Variants in LRRC4C observed in about 807,000 individuals in gnomAD.
LRRC4C encodes the protein leucine rich repeat containing 4C.
Under a neutral mutation model 33.6 loss-of-function variants are expected in LRRC4C, and 5 were observed. The observed-to-expected ratio is 0.15, with a 90% CI of 0.08 to 0.31. LRRC4C has a LOEUF of 0.31. Ranked by LOEUF, LRRC4C falls within the 10% of genes least tolerant of loss-of-function variation. The pLI, the probability that LRRC4C is intolerant of heterozygous loss-of-function variation, is 1.00. For synonymous variants in LRRC4C, 329 were observed against 302.0 expected, an observed-to-expected ratio of 1.09 and a Z score of -0.93; for missense variants, 560 against 796.7, an observed-to-expected ratio of 0.70 and a Z score of 3.58.
chr11:40,922,451 T>C (rs879810794), intron 2 of LRRC4C, among the ~76,000 whole-genome samples: 3 of 152,214 alleles, frequency 2.0e-5, no homozygotes, highest in Non-Finnish European at 2.9e-5. Flanking sequence ...AAGTTGCTGT[T>C]GGTTAACAGA....
In LRRC4C at chr11:40,176,239, C is replaced by T. The variant is rs186127094; in HGVS notation, c.-95-35386G>A. Among the ~76,000 whole-genome samples the T allele has an allele frequency of 4.6e-3, 696 of 152,100 alleles. 4 individuals carry two copies. Among genetic ancestry groups the T allele is most frequent in the African/African-American group, 0.016 (666 of 41,458 alleles). On this transcript the variant is annotated intron_variant, in intron 5 of 6. Coordinates refer to ENST00000528697, the MANE Select transcript of LRRC4C (RefSeq NM_001258419.2). ...TATGTCAAGTGGTATAATAAGACTG[C>T]GCATAAAGAATGAAGATAGAACGCG... is the stretch of plus-strand genomic sequence containing the variant.
intron 2 of LRRC4C, among the ~76,000 whole-genome samples, chr11:40,678,867 G>A (rs1375920114): frequency 2.0e-5 from 3 of 151,904 alleles, no homozygotes; most frequent in Non-Finnish European, 4.4e-5. Context: ...TACTGGGTAG[G>A]GGGGTGCTAC....
At chr11:40,984,780 A>G (rs1852868373) in intron 1 of LRRC4C, among the ~76,000 whole-genome samples, 1 of 151,648 alleles carries the variant, frequency 6.6e-6, no homozygotes, top group African/African-American at 2.4e-5. Flanking sequence ...AAGTTGGTTG[A>G]CACCCACTAC....
At chr11:40,496,122 G>A (rs1056432723) in intron 3 of LRRC4C, among the ~76,000 whole-genome samples, 1 of 152,032 alleles carries the variant, frequency 6.6e-6, no homozygotes, top group Non-Finnish European at 1.5e-5. Context: ...GAGCCACCAC[G>A]CCTGGCCAAA....
intron 3 of LRRC4C, among the ~76,000 whole-genome samples, chr11:40,353,505 C>A (rs925220881): frequency 6.6e-6 from 1 of 152,124 alleles, no homozygotes; most frequent in South Asian, 2.1e-4. Context: ...TCACTTGAGG[C>A]CAAAAGTTTG....
intron 3 of LRRC4C, among the ~76,000 whole-genome samples, chr11:40,586,925 T>C (rs1958782193): frequency 6.6e-6 from 1 of 152,170 alleles, no homozygotes; most frequent in Non-Finnish European, 1.5e-5. Flanking sequence ...TCCAGCTTTG[T>C]TCTTTTGGCT....
intron 2 of LRRC4C, among the ~76,000 whole-genome samples, chr11:40,829,860 A>G (rs1238004893): frequency 1.3e-5 from 2 of 152,042 alleles, no homozygotes; most frequent in Non-Finnish European, 2.9e-5. Context: ...TTGAAAAGCA[A>G]CATACAAATA....
intron 2 of LRRC4C, among the ~76,000 whole-genome samples, chr11:40,903,085 G>C (rs1055486487): frequency 6.6e-6 from 1 of 152,130 alleles, no homozygotes; most frequent in Non-Finnish European, 1.5e-5. Flanking sequence ...TGGCTTTAAA[G>C]GTTCAAAGGA....
In LRRC4C at chr11:41,378,485, G is replaced by A. The variant is rs1953023183; in HGVS notation, c.-496+80946C>T. On this transcript the variant is annotated intron_variant, in intron 1 of 6. Transcript: ENST00000528697. ...TAAAAGCAGCTTTATTTTTACAGCG[G>A]AGAGCAGACTTTACAGTAATTCATC... 2.6e-5 allele frequency among the ~76,000 whole-genome samples: 4 copies of A among 152,074 alleles called. No homozygotes were observed. The South Asian group carries it at 6.2e-4, about 24-fold the overall frequency.
chr11:40,945,026 T>TTA (rs1555012120), intron 1 of LRRC4C, among the ~76,000 whole-genome samples: 1 of 144,386 alleles, frequency 6.9e-6, no homozygotes, highest in Non-Finnish European at 1.5e-5. Context: ...AGTTTTTCTT[T>TTA]TTTTTTTTTT....
intron 1 of LRRC4C, among the ~76,000 whole-genome samples, chr11:41,391,385 T>A (rs1285550653): frequency 6.6e-6 from 1 of 151,838 alleles, no homozygotes; most frequent in Non-Finnish European, 1.5e-5. Context: ...AACAGTTATG[T>A]CAGATAAGCA....
intron 4 of LRRC4C, among the ~76,000 whole-genome samples, chr11:40,271,694 A>G (rs950940406): frequency 5.9e-5 from 9 of 152,228 alleles, no homozygotes; most frequent in African/African-American, 2.2e-4. Context: ...CTTCACTTCC[A>G]TCAGCTCCGA....
intron 3 of LRRC4C, among the ~76,000 whole-genome samples, chr11:40,567,063 G>A (rs530108306): frequency 8.3e-4 from 126 of 152,186 alleles, no homozygotes; most frequent in South Asian, 2.7e-3. Context: ...TGACTACAAG[G>A]TGAAAAATCA....
chr11:40,372,889 C>T (rs1948510015), intron 3 of LRRC4C, among the ~76,000 whole-genome samples: 1 of 152,008 alleles, frequency 6.6e-6, no homozygotes, highest in Admixed American at 6.6e-5. Context: ...CAGAGACTCC[C>T]CACAACAGAT....
chr11:41,272,606 C>G (rs1431042250), intron 1 of LRRC4C, among the ~76,000 whole-genome samples: 2 of 152,052 alleles, frequency 1.3e-5, no homozygotes, highest in African/African-American at 2.4e-5. Flanking sequence ...TGATTAAACA[C>G]ATATATTATT....
At chr11:40,737,947 A>G (rs1377887890) in intron 2 of LRRC4C, among the ~76,000 whole-genome samples, 2 of 152,212 alleles carry the variant, frequency 1.3e-5, no homozygotes, top group East Asian at 1.9e-4. Flanking sequence ...AGCTGGCGGC[A>G]TCATGCTACC....
chr11:41,050,269 C>T (rs1219303158), intron 1 of LRRC4C, among the ~76,000 whole-genome samples: 1 of 152,056 alleles, frequency 6.6e-6, no homozygotes, highest in East Asian at 1.9e-4. Context: ...GTTAGTATAT[C>T]CCTTAAACAG....
intron 3 of LRRC4C, among the ~76,000 whole-genome samples, chr11:40,493,692 A>T (rs1281545419): frequency 6.6e-6 from 1 of 152,220 alleles, no homozygotes; most frequent in African/African-American, 2.4e-5. Flanking sequence ...TAAGTAGTGA[A>T]TTATAGGCAC....
chr11:41,064,995 C>T (rs2135388249), intron 1 of LRRC4C, among the ~76,000 whole-genome samples: 1 of 152,292 alleles, frequency 6.6e-6, no homozygotes, highest in Non-Finnish European at 1.5e-5. Flanking sequence ...TTCAGGCAGG[C>T]ACTGAGCTGC....
Sources: gnomAD v4.1 joint callset for allele counts (sites outside exome capture counted in the v4.1 genomes callset) on GRCh38, gnomAD v4.1.1 for gene constraint, MANE v1.5 for transcripts, NCBI Gene and HGNC (gene_info 2026-07-23, HGNC 2026-07-21) for gene names.